The following NEB variants were observed in gnomAD, a reference collection of about 807,000 sequenced individuals.
The protein encoded by NEB is nemaline myopathy type 2.
A neutral mutation model predicts 952.2 loss-of-function variants in NEB; 512 were observed. The ratio of observed to expected loss-of-function variants is 0.54; its 90% CI spans 0.50 to 0.58. NEB has a LOEUF of 0.58. Among genes scored for constraint, NEB ranks in the 20% least tolerant of loss-of-function variants. The pLI is 0.00. For missense variants in NEB, 8,428 were observed against 9,231.1 expected, an observed-to-expected ratio of 0.91 and a Z score of 3.56; for synonymous variants, 2,900 against 3,149.8, an observed-to-expected ratio of 0.92 and a Z score of 2.66.
In NEB at chr2:151,656,297, G is replaced by A. The variant is rs756476348; in HGVS notation, c.6351C>T (p.Ala2117=). The change falls in exon 49 of 182, where the codon GCC becomes GCT. Residue 2117 remains alanine (A), a synonymous_variant. Transcript: ENST00000397345. ...TTGCAGCCGTGACACTGAGCATGTC[G>A]GCAGGGGTGTGGTAGCTGGTCTTTG... ...ENTKTSYHTP[A]DMLSVTAAKD... is the part of the protein sequence containing the mutation. The A allele has an allele frequency of 4.3e-5, 69 of 1,613,496 alleles. No individual in the cohort carries two copies. The highest frequency in any genetic ancestry group is 1.8e-4 in the Admixed American group (11 of 59,944).
chr2:151,660,320 T>C (rs1341993452), intron 46 of NEB, among the ~76,000 whole-genome samples: 1 of 152,184 alleles, frequency 6.6e-6, no homozygotes, highest in African/African-American at 2.4e-5. Flanking sequence ...TCTTAGCGTC[T>C]CCTTTCAGAA....
Position 151,665,439 on chromosome 2 carries a change from A to T in NEB, c.5132T>A (p.Leu1711His). The T allele has an allele frequency of 6.2e-7, 1 of 1,613,584 alleles. No individual in the cohort carries two copies. The highest frequency in any genetic ancestry group is 1.3e-5 in the African/African-American group (1 of 74,970). The change falls in exon 42 of 182, where the codon CTT becomes CAT. Residue 1711 changes from leucine to histidine, a missense_variant. Around this residue, in one of 11 missense-constraint regions of NEB, gnomAD observed 2,851 missense variants for 2,791.5 expected, o/e 1.02. Coordinates refer to ENST00000397345, the MANE Select transcript of NEB (RefSeq NM_001164508.2). ...VEKAKKAGEI[L>H]SEKKYRQHPE... Reference sequence around the variant, plus strand: ...GTGCTGGCGATACTTCTTCTCACTAAGAATCTCTCCTGCTTTCTTTGCCTT... The same window carrying T: ...GTGCTGGCGATACTTCTTCTCACTATGAATCTCTCCTGCTTTCTTTGCCTT...
intron 143 of NEB, among the ~76,000 whole-genome samples, chr2:151,532,771 T>C (rs1168818020): frequency 9.2e-5 from 14 of 151,390 alleles, no homozygotes; most frequent in Admixed American, 9.2e-4. Flanking sequence ...CTGGGAAAAA[T>C]GGTATTATTA....
intron 18 of NEB, 28 bp from the exon 19 acceptor site, chr2:151,694,657 T>G: frequency 6.5e-7 from 1 of 1,541,232 alleles, no homozygotes; most frequent in Non-Finnish European, 8.8e-7. Context: ...GCAAAGGAAT[T>G]GGCAAAAGTG....
At chr2:151,642,980 G>T in intron 58 of NEB, 111 bp from the exon 59 acceptor site, 2 of 1,182,810 alleles carry the variant, frequency 1.7e-6, no homozygotes, top group Non-Finnish European at 2.4e-6. Context: ...ATCGGTATTT[G>T]TGACATTTTC....
chr2:151,538,125 T>C lies in NEB; in HGVS notation c.20997+15A>G, dbSNP rs768286420. 2.5e-5 allele frequency: 39 copies of C among 1,584,680 alleles called. No individual in the cohort carries two copies. The highest frequency in any genetic ancestry group is 3.1e-5 in the Non-Finnish European group (36 of 1,154,782). ...TTGTAGAGCCCAACACAAGTAGAAA[T>C]ATTTAGGGACATACTTTACTGATGT... is the stretch of plus-strand genomic sequence containing the variant. On this transcript the variant is annotated intron_variant, in intron 139 of 181. Transcript: ENST00000397345.
chr2:151,555,905 CT>C (rs2095622859), intron 124 of NEB, among the ~76,000 whole-genome samples: 2 of 150,208 alleles, frequency 1.3e-5, no homozygotes, highest in South Asian at 4.2e-4. Context: ...ACACACAAAA[CT>C]TTTTCCTAAA....
rs766453942 is a variant in NEB at position 151,491,744 on chromosome 2, C to T, written c.25089G>A (p.Ser8363=). 12 of 1,595,938 alleles carry T rather than the reference C, an allele frequency of 7.5e-6. No homozygotes were observed. The highest frequency in any genetic ancestry group is 4.5e-5 in the East Asian group (2 of 44,212). The change falls in exon 179 of 182, where the codon TCG becomes TCA. Residue 8363 remains serine, a synonymous_variant. Transcript: ENST00000397345. ...GLRVWRTNPG[S]VFDYDPAEDN... is the part of the protein sequence containing the mutation. The stretch of plus-strand genomic sequence containing the variant: ...CTTCTGCTGGATCATAGTCAAAAAC[C>T]GAACCAGGATTAGTACGCCAGACAC...
intron 5 of NEB, among the ~76,000 whole-genome samples, chr2:151,725,824 C>CT (rs1045461345): frequency 4.8e-4 from 72 of 151,346 alleles, no homozygotes; most frequent in African/African-American, 1.3e-3. Flanking sequence ...TTCTTTCAAT[C>CT]TTTTTTTTTG....
Position 151,494,243 on chromosome 2 carries a change from T to A in NEB, c.24497A>T (p.Lys8166Ile), listed in dbSNP as rs745553889. 1 of 1,597,736 alleles carries A rather than the reference T, an allele frequency of 6.3e-7. No individual in the cohort carries two copies. Among genetic ancestry groups the A allele is most frequent in the South Asian group, 1.1e-5 (1 of 88,452 alleles). ...TGCGGTGGCTTTCCCCACATTTTCT[T>A]TGTACAAAACCTATGGGAATCCAAT... ...NQENISSVLY[K>I]ENVGKATATP... The change falls in exon 174 of 182, where the codon AAA becomes ATA. Residue 8166 changes from lysine (K) to isoleucine (I), a missense_variant. This residue lies in a region of NEB where 3,374 missense variants were observed against 3,651.5 expected (regional missense o/e 0.92). Coordinates refer to ENST00000397345, the MANE Select transcript of NEB (RefSeq NM_001164508.2).
rs771687432 is a variant in NEB at position 151,678,168 on chromosome 2, T to G, written c.3275A>C (p.Tyr1092Ser). The G allele has an allele frequency of 6.8e-6, 11 of 1,608,000 alleles. No individual in the cohort carries two copies. Among genetic ancestry groups the G allele is most frequent in the Non-Finnish European group, 8.5e-6 (10 of 1,176,842 alleles). The change falls in exon 33 of 182, where the codon TAT becomes TCT. Residue 1092 changes from tyrosine to serine, a missense_variant. Tyr to Ser is a moderately radical substitution (Grantham distance 144, BLOSUM62 -2). Around this residue, in one of 11 missense-constraint regions of NEB, gnomAD observed 2,851 missense variants for 2,791.5 expected, o/e 1.02. Transcript: ENST00000397345. ...AASDVQYKKD[Y>S]EKAKGKMVGF... ...AACCATTTTCCCTTTAGCCTTTTCA[T>G]AGTCTTTTTTGTACTGAACCTATTG...
chr2:151,497,442 G>A, intron 171 of NEB, 184 bp downstream of exon 171: 1 of 980,866 alleles, frequency 1.0e-6, no homozygotes, highest in Non-Finnish European at 1.2e-6. Flanking sequence ...GAAATTAACT[G>A]TATTATAGAA....
At chr2:151,550,197 T>C (rs2095202015) in intron 129 of NEB, among the ~76,000 whole-genome samples, 1 of 141,148 alleles carries the variant, frequency 7.1e-6, no homozygotes, top group African/African-American at 2.7e-5. Context: ...AGCCCAGGAA[T>C]TTGAGATTGC....
At chr2:151,491,659 G>T (rs755225703) in intron 179 of NEB, 24 bp downstream of exon 179, 16 of 1,519,018 alleles carry the variant, frequency 1.1e-5, no homozygotes, top group African/African-American at 1.4e-5. Context: ...TGTTTATGTT[G>T]TAAGCCTTTT....
intron 62 of NEB, among the ~76,000 whole-genome samples, 174 bp downstream of exon 62, chr2:151,639,682 CA>C (rs2098823506): frequency 1.3e-5 from 2 of 152,020 alleles, no homozygotes; most frequent in African/African-American, 4.8e-5. Flanking sequence ...GACTAAATAT[CA>C]AAATATACAT....
In NEB at chr2:151,519,069, C is replaced by T. The variant is rs369765913; in HGVS notation, c.22591G>A (p.Val7531Ile). 3.1e-6 allele frequency: 5 copies of T among 1,595,354 alleles called. No homozygotes were observed. In the African/African-American group the frequency reaches 4.0e-5, roughly 13 times the overall value. ...MKDANNLASE[V>I]KYKADLKKLH... The stretch of plus-strand genomic sequence containing the variant: ...TTCTTCAGGTCAGCCTTGTATTTAA[C>T]CTGTGTGTTATGGGGGAAGAAAGGA... The change falls in exon 155 of 182, where the codon GTT becomes ATT. Residue 7531 changes from valine (V) to isoleucine (I), a missense_variant and splice_region_variant. By Grantham distance (29) the Val-to-Ile change is conservative. Coordinates refer to ENST00000397345, the MANE Select transcript of NEB (RefSeq NM_001164508.2).
chr2:151,708,002 C>T (rs559711349), intron 12 of NEB, among the ~76,000 whole-genome samples: 4 of 152,174 alleles, frequency 2.6e-5, no homozygotes, highest in African/African-American at 9.7e-5. Context: ...TACTCTCCCC[C>T]TACCCGCATC....
At chr2:151,624,070 C>T (rs1034479270) in intron 71 of NEB, among the ~76,000 whole-genome samples, 1 of 152,088 alleles carries the variant, frequency 6.6e-6, no homozygotes, top group African/African-American at 2.4e-5. Context: ...GAAGGAACCA[C>T]GGGCAATGGG....
intron 147 of NEB, 101 bp downstream of exon 147, chr2:151,527,380 C>G: frequency 1.0e-6 from 1 of 992,072 alleles, no homozygotes. Flanking sequence ...CTCAAACGAG[C>G]AAGGGTTAAC....
Sources: allele counts gnomAD v4.1 joint callset (sites outside exome capture counted in the v4.1 genomes callset), GRCh38; gene constraint gnomAD v4.1.1; regional missense constraint gnomAD v4.1.1; transcripts MANE v1.5; gene names NCBI Gene and HGNC (gene_info 2026-07-23, HGNC 2026-07-21).